The following SLC45A4 variants were observed in gnomAD, a reference collection of about 807,000 sequenced individuals.
The protein encoded by SLC45A4 is polyamine-transporter SLC45A4.
Under a neutral mutation model 63.7 loss-of-function variants are expected in SLC45A4, and 32 were observed. That is an observed-to-expected ratio of 0.50 (90% CI 0.38 to 0.67). The LOEUF (loss-of-function observed/expected upper bound fraction) is 0.67, where lower values mean the gene tolerates loss of function less well. Among genes scored for constraint, SLC45A4 ranks in the 30% least tolerant of loss-of-function variants. SLC45A4 has a pLI of 0.00. For missense variants in SLC45A4, 1,027 were observed against 1,157.7 expected, an observed-to-expected ratio of 0.89 and a Z score of 1.64; for synonymous variants, 535 against 510.0, an observed-to-expected ratio of 1.05 and a Z score of -0.66.
rs1203100046 is a variant in SLC45A4, at chr8:141,258,761, T to C, written c.-400-4132A>G. Among the ~76,000 whole-genome samples, 3 of 152,076 alleles carry C rather than the reference T, an allele frequency of 2.0e-5. No homozygotes were observed. In the East Asian group the frequency reaches 5.8e-4, roughly 29 times the overall value. On this transcript the variant is annotated intron_variant, in intron 1 of 8. Coordinates refer to ENST00000517878, the MANE Select transcript of SLC45A4 (RefSeq NM_001286646.2). ...TTTTAATTAGCCAGATGTGATGGTA[T>C]GTGCCTATAGTCCCATCTACTCAGG...
intron 6 of SLC45A4, 58 bp from the exon 7 acceptor site, chr8:141,216,028 T>A: frequency 6.7e-7 from 1 of 1,485,990 alleles, no homozygotes; most frequent in Non-Finnish European, 9.2e-7. Context: ...CCTGTCGGGC[T>A]CCCTCCACCA....
chr8:141,213,104 A>G (rs188261253), intron 7 of SLC45A4, among the ~76,000 whole-genome samples: 2 of 152,250 alleles, frequency 1.3e-5, no homozygotes, highest in African/African-American at 4.8e-5. Flanking sequence ...TCCTAGAGAT[A>G]GTGAAAAAAA....
intron 1 of SLC45A4, among the ~76,000 whole-genome samples, chr8:141,285,030 C>G (rs1830086781): frequency 6.6e-6 from 1 of 152,226 alleles, no homozygotes; most frequent in Non-Finnish European, 1.5e-5. Context: ...GAGGCCTGAG[C>G]AGAACAGGGT....
At chr8:141,248,115 C>A (rs1464569038) in intron 2 of SLC45A4, among the ~76,000 whole-genome samples, 2 of 152,198 alleles carry the variant, frequency 1.3e-5, no homozygotes, top group African/African-American at 2.4e-5. Context: ...GATCACAGTA[C>A]TACACTCCAG....
At chr8:141,232,643 G>C (rs1827420961) in intron 2 of SLC45A4, among the ~76,000 whole-genome samples, 1 of 150,988 alleles carries the variant, frequency 6.6e-6, no homozygotes, top group South Asian at 2.2e-4. Context: ...GCACTCACAA[G>C]CTGCAACGGG....
chr8:141,245,984 G>A (rs1198098869), intron 2 of SLC45A4, among the ~76,000 whole-genome samples: 2 of 152,208 alleles, frequency 1.3e-5, no homozygotes, highest in Admixed American at 6.5e-5. Flanking sequence ...GCTTCTCACA[G>A]CTTCCAGTTT....
intron 1 of SLC45A4, among the ~76,000 whole-genome samples, chr8:141,298,588 A>G (rs150984699): frequency 6.6e-6 from 1 of 152,210 alleles, no homozygotes; most frequent in Admixed American, 6.5e-5. Flanking sequence ...AGAAACAAGG[A>G]AACAAATTGG....
At position 141,278,316 on chromosome 8, in the gene SLC45A4, C is replaced by T. The variant is rs375956066; in HGVS notation, c.-400-23687G>A. On this transcript the variant is annotated intron_variant, in intron 1 of 8. Transcript: ENST00000517878. The surrounding 1 kb of genome is among the most constrained non-coding windows in gnomAD (Gnocchi z 4.1). ...AACAACTGAGCCAACTGGGACTCCT[C>T]GGTCTGTGAAACCCATGAGGACATT... The T allele has an allele frequency of 4.9e-4, 75 of 152,534 alleles. 1 individual carries two copies. The South Asian group carries it at 0.014, about 29-fold the overall frequency. The allele number at this position is 152,534 out of a possible 1,614,324, so 9.4% of individuals were successfully genotyped here. A position where few individuals can be genotyped will look rare whatever the true frequency, so the allele number is the denominator to read the frequency against.
At chr8:141,305,486 C>T (rs1830869414) in intron 1 of SLC45A4, among the ~76,000 whole-genome samples, 1 of 152,214 alleles carries the variant, frequency 6.6e-6, no homozygotes, top group Non-Finnish European at 1.5e-5. Flanking sequence ...AGGAGGCCAG[C>T]GAGGAACAGT....
At chr8:141,223,626 C>T (rs989490423) in intron 2 of SLC45A4, among the ~76,000 whole-genome samples, 8 of 152,214 alleles carry the variant, frequency 5.3e-5, no homozygotes, top group East Asian at 1.9e-4. Flanking sequence ...TGTAGCAGCG[C>T]GCTGGTTCTC....
At chr8:141,253,485 C>T (rs1828620427) in intron 2 of SLC45A4, among the ~76,000 whole-genome samples, 1 of 152,230 alleles carries the variant, frequency 6.6e-6, no homozygotes, top group South Asian at 2.1e-4. Context: ...CTTCCAGTAT[C>T]TCCCACAGCC....
At chr8:141,242,465 C>T (rs1827960959) in intron 2 of SLC45A4, among the ~76,000 whole-genome samples, 1 of 152,172 alleles carries the variant, frequency 6.6e-6, no homozygotes, top group Non-Finnish European at 1.5e-5. Flanking sequence ...GGGGGAAGTG[C>T]TGTGATTAGA....
At chr8:141,261,449 G>T (rs1031617627) in intron 1 of SLC45A4, among the ~76,000 whole-genome samples, 2 of 152,082 alleles carry the variant, frequency 1.3e-5, no homozygotes, top group Non-Finnish European at 2.9e-5. Flanking sequence ...GTTTGCAGAT[G>T]ACATGATTGT....
intron 1 of SLC45A4, among the ~76,000 whole-genome samples, chr8:141,289,231 A>G (rs1830264235): frequency 7.0e-6 from 1 of 143,360 alleles, no homozygotes; most frequent in African/African-American, 3.0e-5. Flanking sequence ...ACTTTCGAGA[A>G]GGAGTGAGAA....
intron 1 of SLC45A4, among the ~76,000 whole-genome samples, chr8:141,266,352 G>A (rs1261923640): frequency 6.6e-6 from 1 of 152,174 alleles, no homozygotes; most frequent in Non-Finnish European, 1.5e-5. Flanking sequence ...TGTGTTTTCT[G>A]CACCCACCAC....
rs1828656625 is a variant in SLC45A4 at position 141,254,116 on chromosome 8, G to A, written c.114C>T (p.Thr38=). 1 of 1,536,174 alleles carries A rather than the reference G, an allele frequency of 6.5e-7. No homozygotes were observed. The highest frequency in any genetic ancestry group is 8.7e-7 in the Non-Finnish European group (1 of 1,146,914). The change falls in exon 2 of 9, where the codon ACC becomes ACT. Residue 38 remains threonine, a synonymous_variant. Coordinates refer to ENST00000517878, the MANE Select transcript of SLC45A4 (RefSeq NM_001286646.2). This position sits in a 1 kb window ranked among gnomAD's most constrained non-coding sequence, Gnocchi z 4.5. ...TTCGGTCTATGGACCCCTCGCTGAT[G>A]GTCTCGCAGTTCTCGGCCTCTGCGC... is the stretch of plus-strand genomic sequence containing the variant. The part of the protein sequence containing the change: ...AGGAEAENCE[T]ISEGSIDRIP...
intron 1 of SLC45A4, among the ~76,000 whole-genome samples, chr8:141,285,819 G>A (rs1436768262): frequency 2.0e-5 from 3 of 152,288 alleles, no homozygotes; most frequent in African/African-American, 2.4e-5. Context: ...AGTCTTTCCC[G>A]AGTGCATCCT....
Position 141,218,349 on chromosome 8 carries a change from CGTA to C in SLC45A4, c.1288_1290del (p.Tyr430del), listed in dbSNP as rs746964028. The C allele has an allele frequency of 4.4e-6, 7 of 1,608,158 alleles. No individual in the cohort carries two copies. The highest frequency in any genetic ancestry group is 1.7e-5 in the Admixed American group (1 of 60,012). On this transcript the variant is annotated inframe_deletion, in exon 5 of 9. Transcript: ENST00000517878. ...CGGTAGCAGTGGGACCCAAGCTTGC[CGTA>C]GTAGGAGAAGGTGCTGGAGGCCTGC... is the stretch of plus-strand genomic sequence containing the variant.
chr8:141,285,699 G>A (rs748428156), intron 1 of SLC45A4, among the ~76,000 whole-genome samples: 4 of 152,232 alleles, frequency 2.6e-5, no homozygotes, highest in Non-Finnish European at 5.9e-5. Context: ...ACAAGACTGA[G>A]AGGCAGGAGC....
Sources: allele counts gnomAD v4.1 joint callset (sites outside exome capture counted in the v4.1 genomes callset), GRCh38; gene constraint gnomAD v4.1.1; non-coding constraint Gnocchi (gnomAD v3.1); transcripts MANE v1.5; gene names NCBI Gene and HGNC (gene_info 2026-07-23, HGNC 2026-07-21).